DOK6: variants seen among roughly 807,000 people sequenced by gnomAD.
The protein encoded by DOK6 is docking protein 6, also known as downstream of tyrosine kinase 6.
A neutral mutation model predicts 44.0 loss-of-function variants in DOK6; 22 were observed. That is an observed-to-expected ratio of 0.50 (90% CI 0.36 to 0.71). The LOEUF (loss-of-function observed/expected upper bound fraction) is 0.71, where lower values mean the gene tolerates loss of function less well. Ranked by LOEUF, DOK6 falls within the 30% of genes least tolerant of loss-of-function variation. The probability of loss-of-function intolerance (pLI) is 0.00; values close to 1 mark genes in which losing one functional copy is unlikely to be tolerated. For synonymous variants in DOK6, 166 were observed against 145.5 expected (o/e 1.14, Z -1.01); for missense variants, 340 against 416.4 (o/e 0.82, Z 1.60).
intron 6 of DOK6, among the ~76,000 whole-genome samples, chr18:69,740,801 G>A (rs1978774684): frequency 6.6e-6 from 1 of 152,220 alleles, no homozygotes; most frequent in Admixed American, 6.5e-5. Flanking sequence ...CCATGAAAGT[G>A]TTCATTATGG....
intron 1 of DOK6, among the ~76,000 whole-genome samples, chr18:69,476,499 G>C (rs764960567): frequency 2.6e-5 from 4 of 151,796 alleles, no homozygotes; most frequent in African/African-American, 9.7e-5. Flanking sequence ...GGAGGAAATC[G>C]ATGGCATTCT....
chr18:69,478,630 T>C (rs1599150196), intron 1 of DOK6, among the ~76,000 whole-genome samples: 1 of 152,200 alleles, frequency 6.6e-6, no homozygotes, highest in Non-Finnish European at 1.5e-5. Flanking sequence ...ATAGTACACA[T>C]TTATTTCATG....
chr18:69,523,591 G>C (rs1981746830), intron 1 of DOK6, among the ~76,000 whole-genome samples: 1 of 151,836 alleles, frequency 6.6e-6, no homozygotes, highest in South Asian at 2.1e-4. Context: ...TTATTCAATG[G>C]TTAAAAACAT....
At chr18:69,627,439 A>G (rs1347653959) in intron 3 of DOK6, among the ~76,000 whole-genome samples, 3 of 151,932 alleles carry the variant, frequency 2.0e-5, no homozygotes, top group East Asian at 1.9e-4. Context: ...AAACTTTCTT[A>G]TTTTTATTTT....
At chr18:69,827,291 G>T (rs1981768662) in intron 7 of DOK6, among the ~76,000 whole-genome samples, 1 of 151,994 alleles carries the variant, frequency 6.6e-6, no homozygotes. Context: ...CTTGCCATTT[G>T]GATTTGGGTA....
intron 5 of DOK6, among the ~76,000 whole-genome samples, chr18:69,714,592 A>T (rs1285824210): frequency 6.6e-6 from 1 of 152,354 alleles, no homozygotes; most frequent in African/African-American, 2.4e-5. Flanking sequence ...ATGTTCTTTT[A>T]TAAATGAGTA....
At chr18:69,473,521 C>T (rs1245382787) in intron 1 of DOK6, among the ~76,000 whole-genome samples, 1 of 152,158 alleles carries the variant, frequency 6.6e-6, no homozygotes, top group Non-Finnish European at 1.5e-5. Flanking sequence ...TTTCTTTCAG[C>T]CATTGAAGAT....
chr18:69,761,794 A>G (rs975687569), intron 7 of DOK6, among the ~76,000 whole-genome samples: 6 of 152,142 alleles, frequency 3.9e-5, no homozygotes, highest in African/African-American at 1.2e-4. Flanking sequence ...CTGGAGCTCA[A>G]TGGCCACTAG....
chr18:69,699,663 A>G (rs927851086), intron 5 of DOK6, among the ~76,000 whole-genome samples: 1 of 152,222 alleles, frequency 6.6e-6, no homozygotes. Flanking sequence ...TAGTGTAATC[A>G]CATTCCGATA....
intron 2 of DOK6, among the ~76,000 whole-genome samples, chr18:69,596,107 C>T (rs1371245682): frequency 6.6e-6 from 1 of 152,114 alleles, no homozygotes; most frequent in Non-Finnish European, 1.5e-5. Flanking sequence ...TTTAGGTCAG[C>T]AAGTTTGCTG....
intron 1 of DOK6, among the ~76,000 whole-genome samples, chr18:69,508,001 G>GT (rs538731905): frequency 3.0e-4 from 46 of 152,128 alleles, no homozygotes; most frequent in African/African-American, 9.6e-4. Flanking sequence ...TTAATTATAG[G>GT]TTTTTTATAG....
chr18:69,731,920 A>G (rs1239974276), intron 5 of DOK6, among the ~76,000 whole-genome samples: 2 of 152,196 alleles, frequency 1.3e-5, no homozygotes, highest in African/African-American at 4.8e-5. Flanking sequence ...TAGCTGTTCC[A>G]TGTGATACAC....
chr18:69,760,107 G>C (rs1278014133), intron 7 of DOK6, among the ~76,000 whole-genome samples: 1 of 152,038 alleles, frequency 6.6e-6, no homozygotes, highest in Non-Finnish European at 1.5e-5. Context: ...AGATAAAGTT[G>C]TTAGTTATAC....
intron 7 of DOK6, among the ~76,000 whole-genome samples, chr18:69,761,391 G>A (rs1464571617): frequency 1.3e-5 from 2 of 152,144 alleles, no homozygotes; most frequent in Non-Finnish European, 2.9e-5. Context: ...GCTGATTGTT[G>A]CCCAACACTG....
intron 1 of DOK6, among the ~76,000 whole-genome samples, chr18:69,547,281 A>G (rs1982433791): frequency 6.7e-6 from 1 of 150,050 alleles, no homozygotes; most frequent in Non-Finnish European, 1.5e-5. Context: ...TTGTATTTTT[A>G]GTAGAGACTG....
At chr18:69,568,035 C>T (rs146716967) in intron 2 of DOK6, among the ~76,000 whole-genome samples, 66 of 152,314 alleles carry the variant, frequency 4.3e-4, no homozygotes, top group East Asian at 3.9e-3. Flanking sequence ...TGGCTCCCCG[C>T]GGCCTGCCTT....
chr18:69,792,794 G>T (rs1363741327), intron 7 of DOK6, among the ~76,000 whole-genome samples: 2 of 151,948 alleles, frequency 1.3e-5, no homozygotes, highest in African/African-American at 4.8e-5. Flanking sequence ...CCTTGTAATT[G>T]CAACATATTA....
intron 1 of DOK6, among the ~76,000 whole-genome samples, chr18:69,526,255 A>G (rs1195489330): frequency 6.6e-6 from 1 of 152,060 alleles, no homozygotes; most frequent in Non-Finnish European, 1.5e-5. Flanking sequence ...ATGCTCCCCT[A>G]ACCCTAGGCA....
At chr18:69,710,050 G>T (rs1986722996) in intron 5 of DOK6, among the ~76,000 whole-genome samples, 1 of 152,118 alleles carries the variant, frequency 6.6e-6, no homozygotes, top group Non-Finnish European at 1.5e-5. Context: ...GTGGTGGTGT[G>T]CACCTTTAGT....
Sources: allele counts gnomAD v4.1 joint callset (sites outside exome capture counted in the v4.1 genomes callset), GRCh38; gene constraint gnomAD v4.1.1; transcripts MANE v1.5; gene names NCBI Gene and HGNC (gene_info 2026-07-23, HGNC 2026-07-21).